The following PDE7B variants were observed in gnomAD, a reference collection of about 807,000 sequenced individuals.
PDE7B encodes 3',5'-cyclic-AMP phosphodiesterase 7B.
PDE7B carries 29 observed loss-of-function variants against 56.2 expected under a neutral mutation model. That is an observed-to-expected ratio of 0.52 (90% CI 0.38 to 0.70). PDE7B has a LOEUF of 0.70. PDE7B is among the 30% of genes least tolerant of loss of function. PDE7B has a pLI of 0.00. For synonymous variants in PDE7B, 197 were observed against 196.9 expected (o/e 1.00, Z 0.00); for missense variants, 490 against 565.0 (o/e 0.87, Z 1.35).
rs958617884 is a variant in PDE7B, at chr6:136,181,105, C to G, written c.949-122C>G. On this transcript the variant is annotated intron_variant, in intron 10 of 12. Transcript: ENST00000308191. ...TGAAGAGGCATGTCAGGGAGGTACT[C>G]TGTAAATATGGGCCTGGTACTGTGA... The G allele has an allele frequency of 1.1e-5, 8 of 710,934 alleles. No individual in the cohort carries two copies. The African/African-American group carries it at 1.4e-4, about 12-fold the overall frequency. 44.0% of individuals were successfully genotyped at this position (710,934 alleles called of 1,614,324 possible).
chr6:135,934,813 T>TATATATTTAATAAATAA (rs1774370557), intron 1 of PDE7B, among the ~76,000 whole-genome samples: 1 of 110,294 alleles, frequency 9.1e-6, no homozygotes, highest in African/African-American at 3.8e-5. Flanking sequence ...ATATTTATTA[T>TATATATTTAATAAATAA]ATATATATTT....
At chr6:136,100,165 T>C (rs951229576) in intron 2 of PDE7B, among the ~76,000 whole-genome samples, 9 of 152,238 alleles carry the variant, frequency 5.9e-5, no homozygotes, top group Non-Finnish European at 1.3e-4. Context: ...CATGCCGTTT[T>C]GGTTACTGTA....
chr6:135,930,881 T>A (rs1774281799), intron 1 of PDE7B, among the ~76,000 whole-genome samples: 1 of 152,212 alleles, frequency 6.6e-6, no homozygotes, highest in Non-Finnish European at 1.5e-5. Flanking sequence ...AAAGTTTGCA[T>A]AATAGTTCAT....
At chr6:136,125,510 G>A (rs1320677058) in intron 3 of PDE7B, among the ~76,000 whole-genome samples, 2 of 152,058 alleles carry the variant, frequency 1.3e-5, no homozygotes, top group African/African-American at 4.8e-5. Flanking sequence ...GCTACAGTGA[G>A]CTATGATACA....
chr6:136,028,127 G>T (rs1406872521), intron 2 of PDE7B, among the ~76,000 whole-genome samples: 1 of 152,170 alleles, frequency 6.6e-6, no homozygotes, highest in Admixed American at 6.5e-5. Context: ...ATAAATGCAT[G>T]TTAAATGAAT....
At chr6:136,054,918 T>TATC (rs1776702739) in intron 2 of PDE7B, among the ~76,000 whole-genome samples, 1 of 152,190 alleles carries the variant, frequency 6.6e-6, no homozygotes, top group Non-Finnish European at 1.5e-5. Flanking sequence ...ACTTATTCAC[T>TATC]ATCACGAGAA....
At chr6:136,113,069 G>A (rs2128442496) in intron 3 of PDE7B, among the ~76,000 whole-genome samples, 1 of 152,266 alleles carries the variant, frequency 6.6e-6, no homozygotes, top group South Asian at 2.1e-4. Context: ...GCAGGAATAA[G>A]CTTAAAAGAT....
chr6:136,005,925 A>C (rs1313212717), intron 2 of PDE7B, among the ~76,000 whole-genome samples: 1 of 152,016 alleles, frequency 6.6e-6, no homozygotes, highest in Non-Finnish European at 1.5e-5. Flanking sequence ...TTGCGGCACT[A>C]TTCACAATAG....
At chr6:136,118,858 CTGAA>C (rs541516977) in intron 3 of PDE7B, among the ~76,000 whole-genome samples, 141 of 152,158 alleles carry the variant, frequency 9.3e-4, no homozygotes, top group Middle Eastern at 6.8e-3. Context: ...ATTCCTATAA[CTGAA>C]TGAGAAAATA....
chr6:136,019,967 C>T (rs1583831918), intron 2 of PDE7B, among the ~76,000 whole-genome samples: 2 of 152,164 alleles, frequency 1.3e-5, no homozygotes, highest in East Asian at 1.9e-4. Flanking sequence ...AGAAGAAAAT[C>T]TACTTATAAG....
At chr6:136,096,524 T>G (rs1583878592) in intron 2 of PDE7B, among the ~76,000 whole-genome samples, 1 of 151,682 alleles carries the variant, frequency 6.6e-6, no homozygotes, top group East Asian at 1.9e-4. Flanking sequence ...GTACTTTTTT[T>G]CTTGGAGTAT....
chr6:136,106,021 T>C (rs192680659), intron 2 of PDE7B, among the ~76,000 whole-genome samples: 2 of 152,100 alleles, frequency 1.3e-5, no homozygotes, highest in Admixed American at 1.3e-4. Context: ...CAGCCAGCTT[T>C]GTAGATAAAA....
chr6:135,924,346 G>T (rs1041746304), intron 1 of PDE7B, among the ~76,000 whole-genome samples: 8 of 152,140 alleles, frequency 5.3e-5, no homozygotes, highest in African/African-American at 1.9e-4. Flanking sequence ...TTTGAGGGTG[G>T]CCCCACATTC....
chr6:136,010,661 C>T (rs1452454059), intron 2 of PDE7B, among the ~76,000 whole-genome samples: 3 of 152,060 alleles, frequency 2.0e-5, no homozygotes, highest in Admixed American at 1.3e-4. Flanking sequence ...CAGAGTCTCG[C>T]TCTGTCACCA....
chr6:136,127,276 C>A (rs918085030), intron 3 of PDE7B, among the ~76,000 whole-genome samples: 1 of 152,118 alleles, frequency 6.6e-6, no homozygotes, highest in Non-Finnish European at 1.5e-5. Context: ...CATTTGACAG[C>A]CAAGAATGCC....
chr6:136,083,501 G>A (rs1777238746), intron 2 of PDE7B, among the ~76,000 whole-genome samples: 1 of 152,084 alleles, frequency 6.6e-6, no homozygotes, highest in Non-Finnish European at 1.5e-5. Flanking sequence ...GTCTGAAATG[G>A]CATGCTAACT....
rs1360562169 is a variant in PDE7B at position 136,097,793 on chromosome 6, C to T, written c.83-10938C>T. ...TTGCACCGTGTCTCATCCCGCCGAC[C>T]TTGTTCTCCTTGCTATGTCACACTT... On this transcript the variant is annotated intron_variant, in intron 2 of 12. Transcript: ENST00000308191. 2.0e-5 allele frequency among the ~76,000 whole-genome samples: 3 copies of T among 152,018 alleles called. No homozygotes were observed. The East Asian group carries it at 5.8e-4, about 29-fold the overall frequency.
chr6:136,165,597 C>G (rs1778780480), intron 8 of PDE7B: 1 of 152,164 alleles, frequency 6.6e-6, no homozygotes, highest in Admixed American at 6.5e-5. Flanking sequence ...TTTAGTTCTA[C>G]AATCTGTCAT....
chr6:135,944,565 C>T (rs1774560403), intron 1 of PDE7B, among the ~76,000 whole-genome samples: 2 of 152,082 alleles, frequency 1.3e-5, no homozygotes, highest in Non-Finnish European at 2.9e-5. Flanking sequence ...GGAAGAGGAC[C>T]ACCTCATTGT....
Sources: gnomAD v4.1 joint callset for allele counts (sites outside exome capture counted in the v4.1 genomes callset) on GRCh38, gnomAD v4.1.1 for gene constraint, MANE v1.5 for transcripts, NCBI Gene and HGNC (gene_info 2026-07-23, HGNC 2026-07-21) for gene names.